Variants in HTR4 observed in about 807,000 individuals in gnomAD.
HTR4 encodes the protein 5-hydroxytryptamine (serotonin) receptor 4, G protein-coupled.
Under a neutral mutation model 36.8 loss-of-function variants are expected in HTR4, and 16 were observed. That is an observed-to-expected ratio of 0.43 (90% CI 0.29 to 0.66). The LOEUF (loss-of-function observed/expected upper bound fraction) is 0.66. HTR4 is among the 30% of genes least tolerant of loss of function. The pLI is 0.13. For synonymous variants in HTR4, 189 were observed against 185.1 expected (o/e 1.02, Z -0.17); for missense variants, 438 against 490.9 (o/e 0.89, Z 1.02).
intron 6 of HTR4, among the ~76,000 whole-genome samples, chr5:148,484,740 T>C (rs1756070338): frequency 1.3e-5 from 2 of 152,344 alleles, no homozygotes; most frequent in East Asian, 3.9e-4. Flanking sequence ...TAATGAAATC[T>C]AACTATTTCT....
At chr5:148,532,075 A>G (rs921410412) in intron 4 of HTR4, among the ~76,000 whole-genome samples, 1 of 152,196 alleles carries the variant, frequency 6.6e-6, no homozygotes, top group Non-Finnish European at 1.5e-5. Flanking sequence ...TTTCACCAAT[A>G]GCAGGAGTGG....
chr5:148,591,464 G>T (rs573157321), intron 2 of HTR4, among the ~76,000 whole-genome samples: 1 of 152,188 alleles, frequency 6.6e-6, no homozygotes, highest in South Asian at 2.1e-4. Flanking sequence ...CTATCCATGA[G>T]CATGAGATGT....
chr5:148,510,365 A>G (rs1200296378), intron 5 of HTR4, among the ~76,000 whole-genome samples: 2 of 152,250 alleles, frequency 1.3e-5, no homozygotes, highest in Non-Finnish European at 2.9e-5. Flanking sequence ...CCAGGACAGA[A>G]GAGAAATAAA....
chr5:148,582,036 C>A (rs917619373), intron 2 of HTR4, among the ~76,000 whole-genome samples: 2 of 151,910 alleles, frequency 1.3e-5, no homozygotes, highest in African/African-American at 4.8e-5. Context: ...TCAAATGAGT[C>A]TTTCACCTCC....
chr5:148,641,084 C>G (rs1753715916), intron 1 of HTR4, among the ~76,000 whole-genome samples: 1 of 152,170 alleles, frequency 6.6e-6, no homozygotes, highest in African/African-American at 2.4e-5. Flanking sequence ...GAGAACTAAT[C>G]AGAGCCATGA....
chr5:148,522,926 C>A (rs1490137912), intron 5 of HTR4, among the ~76,000 whole-genome samples: 2 of 151,944 alleles, frequency 1.3e-5, no homozygotes, highest in African/African-American at 4.8e-5. Flanking sequence ...AAGATTCTTG[C>A]TAAAATTGGG....
At chr5:148,576,077 C>G (rs1453047347) in intron 2 of HTR4, among the ~76,000 whole-genome samples, 2 of 124,434 alleles carry the variant, frequency 1.6e-5, no homozygotes, top group Admixed American at 1.0e-4. Context: ...CGCCACTGCA[C>G]TCCAGCCTGG....
At chr5:148,456,250 TAATA>T (rs1292269902) in intron 5 of HTR4, among the ~76,000 whole-genome samples, 3 of 152,148 alleles carry the variant, frequency 2.0e-5, no homozygotes, top group Non-Finnish European at 4.4e-5. Flanking sequence ...TTCACTTTGG[TAATA>T]AATAAATAAT....
chr5:148,455,287 A>G (rs185045385), intron 5 of HTR4, among the ~76,000 whole-genome samples: 1 of 152,270 alleles, frequency 6.6e-6, no homozygotes, highest in Admixed American at 6.5e-5. Flanking sequence ...TTCTATGGCT[A>G]ATAGATCACT....
intron 4 of HTR4, among the ~76,000 whole-genome samples, chr5:148,544,517 A>G (rs1159594233): frequency 6.6e-6 from 1 of 152,088 alleles, no homozygotes; most frequent in Middle Eastern, 3.2e-3. Flanking sequence ...TGGCTGCCTT[A>G]TATTTCACTT....
downstream of HTR4, among the ~76,000 whole-genome samples, chr5:148,474,466 C>T (rs1053676998): frequency 3.3e-5 from 5 of 152,054 alleles, no homozygotes; most frequent in Middle Eastern, 3.2e-3. Context: ...AATGAAATGA[C>T]GTAACCCCCC....
In HTR4 at chr5:148,550,153, A is replaced by G; in HGVS notation, c.136T>C (p.Trp46Arg). The change falls in exon 3 of 7, where the codon TGG (tryptophan) becomes CGG (arginine). Residue 46 changes from tryptophan (W) to arginine (R), a missense_variant. Physicochemically the swap from Trp to Arg is moderately radical, Grantham distance 101. Transcript: ENST00000377888. ...GCTGCTCACCTGAGCTGCCTGTCCC[A>G]GCACACAGCCACCATCACCAGCAGG... ...GNLLVMVAVC[W>R]DRQLRKIKTN... 2 of 1,614,132 alleles carry G rather than the reference A, an allele frequency of 1.2e-6. No homozygotes were observed. The highest frequency in any genetic ancestry group is 1.7e-6 in the Non-Finnish European group (2 of 1,180,002).
At chr5:148,553,889 A>C (rs1363307714) in intron 2 of HTR4, among the ~76,000 whole-genome samples, 1 of 152,262 alleles carries the variant, frequency 6.6e-6, no homozygotes, top group Non-Finnish European at 1.5e-5. Flanking sequence ...TACACCCGAA[A>C]GAATTGAAAG....
rs1561570166 is a variant in HTR4 at position 148,482,612 on chromosome 5, A to C, written c.*591T>G. ...ACGTCTGGGACTGACAAGGGGGCCA[A>C]CCAAGAGGATGCACGTTTGGACCCA... On this transcript the variant is annotated 3_prime_UTR_variant, in exon 7 of 7. Coordinates refer to ENST00000377888, the MANE Select transcript of HTR4 (RefSeq NM_000870.7). 1.0e-6 allele frequency: 1 copy of C among 987,752 alleles called. No individual in the cohort carries two copies. Among genetic ancestry groups the C allele is most frequent in the Non-Finnish European group, 1.2e-6 (1 of 831,408 alleles). 61.2% of individuals were successfully genotyped at this position (987,752 alleles called of 1,614,324 possible).
chr5:148,510,158 T>A (rs904054401), intron 5 of HTR4, 134 bp from the exon 6 acceptor site: 1 of 588,732 alleles, frequency 1.7e-6, no homozygotes, highest in Non-Finnish European at 3.0e-6. Flanking sequence ...GATTGGAAGA[T>A]AAAAAGAAGG....
rs1476508935 is a variant in HTR4 at position 148,457,490 on chromosome 5, TC to T, written c.1077-6219del. Among the ~76,000 whole-genome samples, 18 of 152,146 alleles carry T rather than the reference TC, an allele frequency of 1.2e-4. No individual in the cohort carries two copies. The East Asian group carries it at 2.9e-3, about 24-fold the overall frequency. ...AATTAGTAGCGTAATAATAGCCCCCTCTGCCTGCCCAGGCTGGTATTATCAG... is the reference window on the plus strand; with the variant it reads ...AATTAGTAGCGTAATAATAGCCCCCTTGCCTGCCCAGGCTGGTATTATCAG... On this transcript the variant is annotated intron_variant, in intron 5 of 5. Transcript: ENST00000521530.
At chr5:148,633,768 G>T (rs1235203540) in intron 2 of HTR4, among the ~76,000 whole-genome samples, 3 of 152,064 alleles carry the variant, frequency 2.0e-5, no homozygotes, top group Non-Finnish European at 4.4e-5. Flanking sequence ...TTATAGTAAA[G>T]AAATAAAGGC....
chr5:148,491,427 C>T (rs1216094738), intron 6 of HTR4, among the ~76,000 whole-genome samples: 1 of 152,086 alleles, frequency 6.6e-6, no homozygotes, highest in African/African-American at 2.4e-5. Context: ...CTCCTGCTGT[C>T]CTTGGCAGTG....
chr5:148,486,716 G>A (rs1057077140), intron 6 of HTR4, among the ~76,000 whole-genome samples: 6 of 152,188 alleles, frequency 3.9e-5, no homozygotes, highest in African/African-American at 1.4e-4. Flanking sequence ...TCTATTGTTA[G>A]TATCTGATAC....
Sources: allele counts gnomAD v4.1 joint callset (sites outside exome capture counted in the v4.1 genomes callset), GRCh38; gene constraint gnomAD v4.1.1; transcripts MANE v1.5; gene names NCBI Gene and HGNC (gene_info 2026-07-23, HGNC 2026-07-21).